ST6GAL2: variants seen among roughly 807,000 people sequenced by gnomAD.
The protein encoded by ST6GAL2 is ST6 beta-galactoside alpha-2,6-sialyltransferase 2.
ST6GAL2 carries 24 observed loss-of-function variants against 37.5 expected under a neutral mutation model. The observed-to-expected ratio is 0.64, with a 90% CI of 0.46 to 0.90. The LOEUF (loss-of-function observed/expected upper bound fraction) is 0.90. Ranked by LOEUF, ST6GAL2 falls within the 40% of genes least tolerant of loss-of-function variation. The pLI is 0.00. For synonymous variants in ST6GAL2, 306 were observed against 295.1 expected, an observed-to-expected ratio of 1.04 and a Z score of -0.38; for missense variants, 715 against 712.7, an observed-to-expected ratio of 1.00 and a Z score of -0.04.
Position 106,804,620 on chromosome 2 carries a change from T to A in ST6GAL2, c.*2058A>T, listed in dbSNP as rs1473499817. On this transcript the variant is annotated 3_prime_UTR_variant, in exon 6 of 6. Coordinates refer to ENST00000409382, the MANE Select transcript of ST6GAL2 (RefSeq NM_001142351.2). ...ACTTTGGGAGGCCGAGGCAGGCAGA[T>A]CACAAGGTCAGGAGATCGAGACCAC... The A allele has an allele frequency of 1.3e-5, 2 of 152,056 alleles. No homozygotes were observed. The highest frequency in any genetic ancestry group is 4.8e-5 in the African/African-American group (2 of 41,402). 9.4% of individuals were successfully genotyped at this position (152,056 alleles called of 1,614,324 possible).
chr2:106,858,121 T>C (rs1677653433), intron 1 of ST6GAL2, among the ~76,000 whole-genome samples: 1 of 152,244 alleles, frequency 6.6e-6, no homozygotes, highest in Middle Eastern at 3.2e-3. Flanking sequence ...TGTGTGCATG[T>C]GTACACATGA....
intron 2 of ST6GAL2, among the ~76,000 whole-genome samples, chr2:106,842,330 C>G (rs1281726641): frequency 6.6e-6 from 1 of 152,192 alleles, no homozygotes; most frequent in Admixed American, 6.5e-5. Context: ...GAAGGCAGAG[C>G]CTGGCAGGGA....
intron 1 of ST6GAL2, among the ~76,000 whole-genome samples, chr2:106,856,581 G>A (rs763920826): frequency 1.3e-5 from 2 of 152,160 alleles, no homozygotes; most frequent in Non-Finnish European, 2.9e-5. Flanking sequence ...CTATGGTGTT[G>A]AGCAGTTACC....
chr2:106,843,275 C>A lies in ST6GAL2; in HGVS notation c.703G>T (p.Gly235Trp), dbSNP rs376167669. 1 of 1,608,582 alleles carries A rather than the reference C, an allele frequency of 6.2e-7. No homozygotes were observed. The highest frequency in any genetic ancestry group is 8.5e-7 in the Non-Finnish European group (1 of 1,177,586). ...TCCCGCTTCCCGCGGAAGCGCACCC[C>A]GTGCTTGTTGGCGGTCAGGTAATCC... ...MKDYLTANKH[G>W]VRFRGKREAG... The change falls in exon 2 of 6, where the codon GGG (glycine) becomes TGG (tryptophan). Residue 235 changes from glycine to tryptophan, a missense_variant. Gly to Trp is a radical substitution (Grantham distance 184). Transcript: ENST00000409382.
chr2:106,874,383 T>C (rs981789640), intron 1 of ST6GAL2, among the ~76,000 whole-genome samples: 2 of 151,996 alleles, frequency 1.3e-5, no homozygotes, highest in East Asian at 3.9e-4. Context: ...CTGAAGGTAG[T>C]TGTGGCTAAG....
intron 5 of ST6GAL2, among the ~76,000 whole-genome samples, chr2:106,808,156 A>G (rs889728352): frequency 2.0e-5 from 3 of 152,226 alleles, no homozygotes. Flanking sequence ...AAAATCCCAT[A>G]CCAGAGGAGT....
chr2:106,822,031 A>T lies in ST6GAL2; in HGVS notation c.1318+8035T>A, dbSNP rs1434427883. Among the ~76,000 whole-genome samples, 4 of 152,194 alleles carry T rather than the reference A, an allele frequency of 2.6e-5. No individual in the cohort carries two copies. The East Asian group carries it at 7.7e-4, about 29-fold the overall frequency. On this transcript the variant is annotated intron_variant, in intron 5 of 5. Transcript: ENST00000409382. ...TTCAACACAATAAAAGCCATATATG[A>T]CAGACCCATAGCTAGTTTCATACTG...
chr2:106,815,756 A>G (rs114992231), intron 5 of ST6GAL2, among the ~76,000 whole-genome samples: 423 of 152,326 alleles, frequency 2.8e-3, no homozygotes, highest in African/African-American at 9.9e-3. Flanking sequence ...ATAGCTACTC[A>G]GTGGTAGGGC....
chr2:106,815,862 A>G (rs576607443), intron 5 of ST6GAL2, among the ~76,000 whole-genome samples: 92 of 152,284 alleles, frequency 6.0e-4, no homozygotes, highest in Middle Eastern at 3.4e-3. Flanking sequence ...TCTACATATG[A>G]GACCAGTTAA....
rs962651079 is a variant in ST6GAL2, at chr2:106,804,996, A to G, written c.*1682T>C. 3 of 152,162 alleles carry G rather than the reference A, an allele frequency of 2.0e-5. No individual in the cohort carries two copies. Among genetic ancestry groups the G allele is most frequent in the Non-Finnish European group, 4.4e-5 (3 of 68,032 alleles). The allele number at this position is 152,162 out of a possible 1,614,324, so 9.4% of individuals were successfully genotyped here. On this transcript the variant is annotated 3_prime_UTR_variant, in exon 6 of 6. Transcript: ENST00000409382. ...TCAAAATGGGCTTTTATTGGATATT[A>G]TTGTGATTAAAACTTTCCAATTTCT...
Position 106,849,996 on chromosome 2 carries a change from G to A in ST6GAL2, c.-57-5962C>T, listed in dbSNP as rs373751178. On this transcript the variant is annotated intron_variant, in intron 1 of 5. Coordinates refer to ENST00000409382, the MANE Select transcript of ST6GAL2 (RefSeq NM_001142351.2). ...AACCAACCTGTGACCCAGTTGCCTC[G>A]GGCACACGTTCTCAGGACTTCCTAA... Among the ~76,000 whole-genome samples, 14 of 152,174 alleles carry A rather than the reference G, an allele frequency of 9.2e-5. 1 individual carries two copies. The highest frequency in any genetic ancestry group is 3.4e-4 in the African/African-American group (14 of 41,520).
chr2:106,848,263 T>C (rs1677225512), intron 1 of ST6GAL2, among the ~76,000 whole-genome samples: 1 of 152,102 alleles, frequency 6.6e-6, no homozygotes, highest in Admixed American at 6.5e-5. Context: ...ATTAGCAGAA[T>C]GAAAACAGTC....
At chr2:106,864,911 T>C (rs887183260) in intron 1 of ST6GAL2, among the ~76,000 whole-genome samples, 1 of 152,152 alleles carries the variant, frequency 6.6e-6, no homozygotes, top group African/African-American at 2.4e-5. Flanking sequence ...CTATTAAATG[T>C]TTTACAATAA....
In ST6GAL2 at chr2:106,807,020, G is replaced by GGGTGGT. The variant is rs999051196; in HGVS notation, c.1319-77_1319-72dup. On this transcript the variant is annotated intron_variant, in intron 5 of 5. Transcript: ENST00000409382. ...GAGAGGGATGAGTTTTTTGGGGGAG[G>GGGTGGT]GGTGGTGGTGATGGGATATGACTGT... The GGGTGGT allele has an allele frequency of 1.1e-5, 15 of 1,358,326 alleles. No individual in the cohort carries two copies. In the African/African-American group the frequency reaches 2.0e-4, roughly 18 times the overall value. The allele number at this position is 1,358,326 out of a possible 1,614,324, so 84.1% of individuals were successfully genotyped here.
intron 1 of ST6GAL2, among the ~76,000 whole-genome samples, chr2:106,870,472 T>C (rs1278661203): frequency 1.3e-5 from 2 of 152,140 alleles, no homozygotes; most frequent in Non-Finnish European, 2.9e-5. Context: ...TTTACTTTCA[T>C]TGCCTGAGAG....
chr2:106,877,683 A>G (rs1324597980), intron 1 of ST6GAL2, among the ~76,000 whole-genome samples: 1 of 152,266 alleles, frequency 6.6e-6, no homozygotes, highest in Non-Finnish European at 1.5e-5. Context: ...AAGATAAACA[A>G]GAGTGCTCAA....
Position 106,805,075 on chromosome 2 carries a change from T to C in ST6GAL2, c.*1603A>G, listed in dbSNP as rs1305082245. On this transcript the variant is annotated 3_prime_UTR_variant, in exon 6 of 6. Transcript: ENST00000409382. ...ATGTCTTGTTTTCCAGCTCCATATC[T>C]GCTGAATAGACTAACCAAACAGAAG... The C allele has an allele frequency of 6.6e-6, 1 of 152,190 alleles. No individual in the cohort carries two copies. Among genetic ancestry groups the C allele is most frequent in the Non-Finnish European group, 1.5e-5 (1 of 68,038 alleles). The allele number at this position is 152,190 out of a possible 1,614,324, so 9.4% of individuals were successfully genotyped here.
chr2:106,816,806 A>G (rs993172064), intron 5 of ST6GAL2, among the ~76,000 whole-genome samples: 6 of 152,156 alleles, frequency 3.9e-5, no homozygotes, highest in Non-Finnish European at 7.3e-5. Flanking sequence ...TTAATTTTCT[A>G]TCACTGAAAG....
At chr2:106,833,877 C>T (rs11124132) in intron 3 of ST6GAL2, among the ~76,000 whole-genome samples, 172 bp downstream of exon 3, 12,200 of 152,140 alleles carry the variant, frequency 0.08, 1,153 homozygotes, top group East Asian at 0.49. Context: ...CATTTCTCTG[C>T]AGTTTTCTTC....
Sources: gnomAD v4.1 joint callset for allele counts (sites outside exome capture counted in the v4.1 genomes callset) on GRCh38, gnomAD v4.1.1 for gene constraint, MANE v1.5 for transcripts, NCBI Gene and HGNC (gene_info 2026-07-23, HGNC 2026-07-21) for gene names.